The following ANKRD28 variants were observed in gnomAD, a reference collection of about 807,000 sequenced individuals.
The protein encoded by ANKRD28 is ankyrin repeat domain 28, also known as serine/threonine-protein phosphatase 6 regulatory ankyrin repeat subunit A.
Under a neutral mutation model 126.5 loss-of-function variants are expected in ANKRD28, and 44 were observed. That is an observed-to-expected ratio of 0.35 (90% CI 0.27 to 0.45). ANKRD28 has a LOEUF of 0.45. Among genes scored for constraint, ANKRD28 ranks in the 20% least tolerant of loss-of-function variants. The pLI, the probability that ANKRD28 is intolerant of heterozygous loss-of-function variation, is 1.00. For synonymous variants in ANKRD28, 442 were observed against 468.5 expected, an observed-to-expected ratio of 0.94 and a Z score of 0.73; for missense variants, 1,110 against 1,316.6, an observed-to-expected ratio of 0.84 and a Z score of 2.43.
intron 6 of ANKRD28, among the ~76,000 whole-genome samples, chr3:15,725,501 C>T (rs1285305449): frequency 1.3e-5 from 2 of 152,116 alleles, no homozygotes; most frequent in Non-Finnish European, 2.9e-5. Flanking sequence ...CTTTATTGTG[C>T]TTTGCAAATA....
chr3:15,741,697 C>CTTTTTTTTTTTTTTTTTTTTT lies in ANKRD28; in HGVS notation c.352-4485_352-4465dup, dbSNP rs58655271. On this transcript the variant is annotated intron_variant, in intron 4 of 27. Coordinates refer to ENST00000683139, the MANE Select transcript of ANKRD28 (RefSeq NM_001349278.2). Reference sequence around the variant, plus strand: ...ACCAGTTTTCCCCTTTGGTTCTATCCTTTTTTTTTTTTTTTTTTTTTTTTT... The same window carrying CTTTTTTTTTTTTTTTTTTTTT: ...ACCAGTTTTCCCCTTTGGTTCTATCCTTTTTTTTTTTTTTTTTTTTTTTTTTTTTTTTTTTTTTTTTTTTTT... Among the ~76,000 whole-genome samples, 18 of 33,664 alleles carry CTTTTTTTTTTTTTTTTTTTTT rather than the reference C, an allele frequency of 5.3e-4. 2 individuals carry two copies. The highest frequency in any genetic ancestry group is 9.9e-4 in the African/African-American group (11 of 11,130). The allele number at this position is 33,664 out of a possible 152,430, so 22.1% of individuals were successfully genotyped here. A position where few individuals can be genotyped will look rare whatever the true frequency, so the allele number is the denominator to read the frequency against.
intron 14 of ANKRD28, among the ~76,000 whole-genome samples, chr3:15,700,999 A>G (rs1292317555): frequency 6.6e-6 from 1 of 152,200 alleles, no homozygotes; most frequent in African/African-American, 2.4e-5. Context: ...TGGTATTCAA[A>G]TACGTCTACC....
chr3:15,800,281 T>C (rs2060437747), upstream of ANKRD28, among the ~76,000 whole-genome samples: 1 of 152,148 alleles, frequency 6.6e-6, no homozygotes, highest in East Asian at 1.9e-4. Flanking sequence ...GGCTATTTTG[T>C]GGTCAAATTG....
At chr3:15,771,110 A>G (rs546729456) in intron 2 of ANKRD28, among the ~76,000 whole-genome samples, 2 of 152,316 alleles carry the variant, frequency 1.3e-5, no homozygotes, top group South Asian at 4.1e-4. Context: ...TACAGGCTGT[A>G]TAAGAAGCAT....
At position 15,833,884 on chromosome 3, in the gene ANKRD28, T is replaced by C. The variant is rs1340917732; in HGVS notation, c.27+25493A>G. ...TTTTCATGTTTTTTGGCCACTTGTA[T>C]GTCTTCTTTTGGAAAATGTCTGTTT... On this transcript the variant is annotated intron_variant, in intron 1 of 27. Coordinates refer to the ANKRD28 transcript ENST00000399451. This position sits in a 1 kb window ranked among gnomAD's most constrained non-coding sequence, Gnocchi z 4.4. Among the ~76,000 whole-genome samples the C allele has an allele frequency of 6.6e-6, 1 of 152,176 alleles. No homozygotes were observed. The highest frequency in any genetic ancestry group is 1.5e-5 in the Non-Finnish European group (1 of 68,034).
Position 15,816,277 on chromosome 3 carries a change from T to G in ANKRD28, c.28-20971A>C, listed in dbSNP as rs1271205353. On this transcript the variant is annotated intron_variant, in intron 1 of 27. Coordinates refer to the ANKRD28 transcript ENST00000399451. This position sits in a 1 kb window ranked among gnomAD's most constrained non-coding sequence, Gnocchi z 5.0. ...TAGCCTAGCCTCCTACCTCCACAAA[T>G]ATTTACTCAATAATTGTTTGTTAAT... Among the ~76,000 whole-genome samples, 1 of 152,194 alleles carries G rather than the reference T, an allele frequency of 6.6e-6. No individual in the cohort carries two copies. The highest frequency in any genetic ancestry group is 1.9e-4 in the East Asian group (1 of 5,202).
Position 15,812,154 on chromosome 3 carries a change from C to G in ANKRD28, c.28-16848G>C, listed in dbSNP as rs4685262. ...GGCAACAGAGTGAGACTCTGGCAAA[C>G]AAAACAAAACAAAACAAAACGAAAC... On this transcript the variant is annotated intron_variant, in intron 1 of 27. Transcript: ENST00000399451. This position sits in a 1 kb window ranked among gnomAD's most constrained non-coding sequence, Gnocchi z 4.1. Among the ~76,000 whole-genome samples the G allele has an allele frequency of 3.4e-5, 5 of 147,820 alleles. No homozygotes were observed. Among genetic ancestry groups the G allele is most frequent in the African/African-American group, 1.2e-4 (5 of 40,956 alleles).
At position 15,840,126 on chromosome 3, in the gene ANKRD28, G is replaced by A. The variant is rs146312783; in HGVS notation, c.27+19251C>T. Reference sequence around the variant, plus strand: ...AATTATCCTTGTCTGCAGATGATATGATCTTATATTTGAAAAATCCTAAAG... The same window carrying A: ...AATTATCCTTGTCTGCAGATGATATAATCTTATATTTGAAAAATCCTAAAG... On this transcript the variant is annotated intron_variant, in intron 1 of 27. Transcript: ENST00000399451. Among the ~76,000 whole-genome samples the A allele has an allele frequency of 4.6e-5, 7 of 152,190 alleles. No individual in the cohort carries two copies. In the East Asian group the frequency reaches 1.2e-3, roughly 25 times the overall value.
At chr3:15,700,296 C>T (rs1380029468) in intron 14 of ANKRD28, among the ~76,000 whole-genome samples, 6 of 151,642 alleles carry the variant, frequency 4.0e-5, no homozygotes, top group East Asian at 1.9e-4. Context: ...GGGGCCTGTC[C>T]GGGGTGGGGG....
chr3:15,706,417 ACTC>A (rs140347827), intron 14 of ANKRD28, among the ~76,000 whole-genome samples: 77,277 of 151,046 alleles, frequency 0.51, 21,050 homozygotes, highest in Middle Eastern at 0.61. Flanking sequence ...AAGGACATAA[ACTC>A]CTCCTTTTTT....
At chr3:15,775,005 T>C (rs2059189764) in intron 2 of ANKRD28, among the ~76,000 whole-genome samples, 1 of 152,224 alleles carries the variant, frequency 6.6e-6, no homozygotes, top group Admixed American at 6.5e-5. Context: ...GCCTCCCCAG[T>C]AGCTGGGACT....
At chr3:15,715,981 CTTTT>C (rs890097708) in intron 8 of ANKRD28, among the ~76,000 whole-genome samples, 1 of 150,752 alleles carries the variant, frequency 6.6e-6, no homozygotes, top group Non-Finnish European at 1.5e-5. Flanking sequence ...TAGCTATGGC[CTTTT>C]TTTTCTCTCT....
In ANKRD28 at chr3:15,830,912, T is replaced by C. The variant is rs1428809833; in HGVS notation, c.27+28465A>G. On this transcript the variant is annotated intron_variant, in intron 1 of 27. Coordinates refer to the ANKRD28 transcript ENST00000399451. This position sits in a 1 kb window ranked among gnomAD's most constrained non-coding sequence, Gnocchi z 4.5. ...CATACCTATGTGACTGACTTCTCAATAAAAACTCTGGACAGCAAACCTCAC... is the reference window on the plus strand; with the variant it reads ...CATACCTATGTGACTGACTTCTCAACAAAAACTCTGGACAGCAAACCTCAC... Among the ~76,000 whole-genome samples, 1 of 152,020 alleles carries C rather than the reference T, an allele frequency of 6.6e-6. No individual in the cohort carries two copies. The highest frequency in any genetic ancestry group is 1.5e-5 in the Non-Finnish European group (1 of 67,996).
chr3:15,726,053 G>T (rs2074138840), intron 6 of ANKRD28, among the ~76,000 whole-genome samples: 1 of 152,082 alleles, frequency 6.6e-6, no homozygotes, highest in South Asian at 2.1e-4. Context: ...CAAAAAAGTG[G>T]TTAACTTAAT....
In ANKRD28 at chr3:15,814,405, T is replaced by C; in HGVS notation, c.28-19099A>G. On this transcript the variant is annotated intron_variant, in intron 1 of 27. Transcript: ENST00000399451. This position sits in a 1 kb window ranked among gnomAD's most constrained non-coding sequence, Gnocchi z 4.7. The stretch of plus-strand genomic sequence containing the variant: ...AATAACTAGTACCTTAACAAAACAT[T>C]GAATTATTGGATAATATTCAAAAAC... 1 of 517,824 alleles carries C rather than the reference T, an allele frequency of 1.9e-6. No individual in the cohort carries two copies. The highest frequency in any genetic ancestry group is 2.8e-6 in the Non-Finnish European group (1 of 353,126). The allele number at this position is 517,824 out of a possible 1,614,324, so 32.1% of individuals were successfully genotyped here.
intron 27 of ANKRD28, among the ~76,000 whole-genome samples, chr3:15,671,578 G>GTTTTTTTTTTTTTTTTTTTTTTTT (rs869032190): frequency 7.1e-6 from 1 of 141,326 alleles, no homozygotes; most frequent in African/African-American, 2.7e-5. Context: ...AAACACTATA[G>GTTTTTTTTTTTTTTTTTTTTTTTT]TTTTTTTTTT....
upstream of ANKRD28, among the ~76,000 whole-genome samples, chr3:15,799,623 T>A (rs2060417391): frequency 6.6e-6 from 1 of 152,054 alleles, no homozygotes; most frequent in African/African-American, 2.4e-5. Context: ...AGTAACAATA[T>A]CCTATATTTC....
intron 27 of ANKRD28, among the ~76,000 whole-genome samples, chr3:15,674,682 C>G (rs1033223907): frequency 2.0e-5 from 3 of 151,724 alleles, no homozygotes; most frequent in African/African-American, 7.3e-5. Flanking sequence ...ATAGAGAAAG[C>G]AAAAAGAACG....
At chr3:15,688,940 T>C (rs2068465110) in intron 18 of ANKRD28, among the ~76,000 whole-genome samples, 2 of 152,250 alleles carry the variant, frequency 1.3e-5, no homozygotes, top group Admixed American at 6.5e-5. Context: ...AATGAAAGAT[T>C]ATACCAATCC....
Sources: allele counts gnomAD v4.1 joint callset (sites outside exome capture counted in the v4.1 genomes callset), GRCh38; gene constraint gnomAD v4.1.1; non-coding constraint Gnocchi (gnomAD v3.1); transcripts MANE v1.5; gene names NCBI Gene and HGNC (gene_info 2026-07-23, HGNC 2026-07-21).